Variants in DUSP7 observed in about 807,000 individuals in gnomAD.
DUSP7 encodes dual specificity phosphatase 7.
In DUSP7, 7 loss-of-function variants were observed where a neutral mutation model predicts 29.8. That is an observed-to-expected ratio of 0.24 (90% CI 0.13 to 0.44). The LOEUF (loss-of-function observed/expected upper bound fraction) is 0.44. Ranked by LOEUF, DUSP7 falls within the 20% of genes least tolerant of loss-of-function variation. The pLI is 1.00. For missense variants in DUSP7, 400 were observed against 583.7 expected (o/e 0.69, Z 3.24); for synonymous variants, 287 against 275.4 (o/e 1.04, Z -0.42).
chr3:52,055,332 C>T (rs1433927837), intron 1 of DUSP7, among the ~76,000 whole-genome samples: 2 of 152,310 alleles, frequency 1.3e-5, no homozygotes, highest in South Asian at 4.1e-4. Flanking sequence ...ATACCCTGCC[C>T]CAAGCGCCTC....
rs371249535 is a variant in DUSP7 at position 52,054,515 on chromosome 3, A to G, written c.518-141T>C. The G allele has an allele frequency of 6.1e-6, 4 of 650,862 alleles. No homozygotes were observed. 40.3% of individuals were successfully genotyped at this position (650,862 alleles called of 1,614,324 possible). ...GCATGGGCCATGCCAAGCATGTTAC[A>G]CGTGTGCCCTCTCTCGTGTTCTCTC... On this transcript the variant is annotated intron_variant, in intron 1 of 2. Coordinates refer to ENST00000495880, the MANE Select transcript of DUSP7 (RefSeq NM_001947.4). This position sits in a 1 kb window ranked among gnomAD's most constrained non-coding sequence, Gnocchi z 4.1.
Position 52,053,966 on chromosome 3 carries a change from A to C in DUSP7, c.926T>G (p.Phe309Cys). The C allele has an allele frequency of 6.2e-7, 1 of 1,614,108 alleles. No homozygotes were observed. The highest frequency in any genetic ancestry group is 8.5e-7 in the Non-Finnish European group (1 of 1,180,008). The stretch of plus-strand genomic sequence containing the variant: ...AATGAAGCTGATGGCCTCAGGGAAG[A>C]ACTGGGAGAGGTTCTGGCTCCAGTG... ...SDHWSQNLSQ[F>C]FPEAISFIDE... Residue 309 changes from phenylalanine to cysteine, a missense_variant, in exon 2 of 3, where the codon TTC becomes TGC. Phe to Cys is a radical substitution (Grantham distance 205, BLOSUM62 -2). Coordinates refer to ENST00000495880, the MANE Select transcript of DUSP7 (RefSeq NM_001947.4). The surrounding 1 kb of genome is among the most constrained non-coding windows in gnomAD (Gnocchi z 4.6).
In DUSP7 at chr3:52,049,259, T is replaced by G. The variant is rs1231135886; in HGVS notation, c.*1556A>C. 1 of 150,836 alleles carries G rather than the reference T, an allele frequency of 6.6e-6. No individual in the cohort carries two copies. The highest frequency in any genetic ancestry group is 2.4e-5 in the African/African-American group (1 of 40,914). The allele number at this position is 150,836 out of a possible 1,614,324, so 9.3% of individuals were successfully genotyped here. A position where few individuals can be genotyped will look rare whatever the true frequency, so the allele number is the denominator to read the frequency against. ...TGAGGTAAGAAGCAGTGGGGCAGAGTTTTTCTGTGGCCTCACTCACATGCT... is the reference window on the plus strand; with the variant it reads ...TGAGGTAAGAAGCAGTGGGGCAGAGGTTTTCTGTGGCCTCACTCACATGCT... On this transcript the variant is annotated 3_prime_UTR_variant, in exon 3 of 3. Coordinates refer to ENST00000495880, the MANE Select transcript of DUSP7 (RefSeq NM_001947.4).
rs777794099 is a variant in DUSP7 at position 52,051,147 on chromosome 3, G to A, written c.953-25C>T. On this transcript the variant is annotated intron_variant, in intron 2 of 2. Coordinates refer to ENST00000495880, the MANE Select transcript of DUSP7 (RefSeq NM_001947.4). The surrounding 1 kb of genome is among the most constrained non-coding windows in gnomAD (Gnocchi z 4.8). ...TCTGAAACACATTGGCATGGGTCAGGGAGGTGCCTCCTTCAAGGAGCCTTC... is the reference window on the plus strand; with the variant it reads ...TCTGAAACACATTGGCATGGGTCAGAGAGGTGCCTCCTTCAAGGAGCCTTC... 2.5e-6 allele frequency: 4 copies of A among 1,583,576 alleles called. No individual in the cohort carries two copies. The highest frequency in any genetic ancestry group is 1.7e-4 in the Middle Eastern group (1 of 5,854).
rs1701900990 is a variant in DUSP7, at chr3:52,056,345, G to A, written c.22C>T (p.Pro8Ser). 8.7e-7 allele frequency: 1 copy of A among 1,151,170 alleles called. No individual in the cohort carries two copies. The highest frequency in any genetic ancestry group is 1.1e-6 in the Non-Finnish European group (1 of 938,404). The allele number at this position is 1,151,170 out of a possible 1,614,324, so 71.3% of individuals were successfully genotyped here. A position where few individuals can be genotyped will look rare whatever the true frequency, so the allele number is the denominator to read the frequency against. ...GTCGACATGTGCGCCCGCGCTGGGG[G>A]GCCGCGGAGCTGGTTTTTCATGGGG... MKNQLRG[P>S]PARAHMSTSG... Residue 8 changes from proline to serine, a missense_variant, in exon 1 of 3, where the codon CCC (proline) becomes TCC (serine). Coordinates refer to ENST00000495880, the MANE Select transcript of DUSP7 (RefSeq NM_001947.4). This position sits in a 1 kb window ranked among gnomAD's most constrained non-coding sequence, Gnocchi z 6.4.
In DUSP7 at chr3:52,050,632, C is replaced by T. The variant is rs1330752310; in HGVS notation, c.*183G>A. On this transcript the variant is annotated 3_prime_UTR_variant, in exon 3 of 3. Coordinates refer to ENST00000495880, the MANE Select transcript of DUSP7 (RefSeq NM_001947.4). The surrounding 1 kb of genome is among the most constrained non-coding windows in gnomAD (Gnocchi z 5.0). ...TCCAGCAAGCCCTGCAGTGGGAGAC[C>T]TTGCCTGCGGGCCCTGCCCCCAAGG... The T allele has an allele frequency of 6.9e-6, 5 of 725,424 alleles. No individual in the cohort carries two copies. The highest frequency in any genetic ancestry group is 1.8e-5 in the African/African-American group (1 of 56,024). The allele number at this position is 725,424 out of a possible 1,614,324, so 44.9% of individuals were successfully genotyped here.
Position 52,053,876 on chromosome 3 carries a change from C to A in DUSP7, c.952+64G>T, listed in dbSNP as rs1239494158. ...AGAGGTACCCAGTCAGGCGGGGGCG[C>A]CACCCAGAGTCCTGCATACACCTTG... is the stretch of plus-strand genomic sequence containing the variant. On this transcript the variant is annotated intron_variant, in intron 2 of 2. Coordinates refer to ENST00000495880, the MANE Select transcript of DUSP7 (RefSeq NM_001947.4). The surrounding 1 kb of genome is among the most constrained non-coding windows in gnomAD (Gnocchi z 4.6). 1 of 1,588,264 alleles carries A rather than the reference C, an allele frequency of 6.3e-7. No individual in the cohort carries two copies. The highest frequency in any genetic ancestry group is 1.3e-5 in the African/African-American group (1 of 74,294).
rs1170063792 is a variant in DUSP7 at position 52,050,719 on chromosome 3, G to A, written c.*96C>T. On this transcript the variant is annotated 3_prime_UTR_variant, in exon 3 of 3. Transcript: ENST00000495880. The surrounding 1 kb of genome is among the most constrained non-coding windows in gnomAD (Gnocchi z 5.0). ...CTCTGGGCACAGGTGACATCTGGGGGTTCCTCAGGCCAGAGGTGGCGGGCT... is the reference window on the plus strand; with the variant it reads ...CTCTGGGCACAGGTGACATCTGGGGATTCCTCAGGCCAGAGGTGGCGGGCT... 1.5e-6 allele frequency: 2 copies of A among 1,353,280 alleles called. No homozygotes were observed. The highest frequency in any genetic ancestry group is 1.4e-5 in the South Asian group (1 of 69,558). 83.8% of individuals were successfully genotyped at this position (1,353,280 alleles called of 1,614,324 possible).
Position 52,056,225 on chromosome 3 carries a change from C to G in DUSP7, c.142G>C (p.Gly48Arg). 1 of 1,422,388 alleles carries G rather than the reference C, an allele frequency of 7.0e-7. No individual in the cohort carries two copies. 88.1% of individuals were successfully genotyped at this position (1,422,388 alleles called of 1,614,324 possible). A position where few individuals can be genotyped will look rare whatever the true frequency, so the allele number is the denominator to read the frequency against. ...CTCTTGCAGGGCATGGCCCCTGCCC[C>G]CGTCGCCGCGCCCGCCCCGGTGCCT... ...GAGTGAGAAT[G>R]AGAMPCKSAE... Residue 48 changes from glycine (G) to arginine (R), a missense_variant, in exon 1 of 3, where the codon GGG becomes CGG. Physicochemically the swap from Gly to Arg is moderately radical, Grantham distance 125. Around this residue, in one of 4 missense-constraint regions of DUSP7, gnomAD observed 96 missense variants for 97.1 expected, o/e 0.99. Transcript: ENST00000495880. The surrounding 1 kb of genome is among the most constrained non-coding windows in gnomAD (Gnocchi z 6.4).
Position 52,056,291 on chromosome 3 carries a change from G to A in DUSP7, c.76C>T (p.Arg26Trp), listed in dbSNP as rs1701900030. 2 of 1,218,202 alleles carry A rather than the reference G, an allele frequency of 1.6e-6. No homozygotes were observed. Among genetic ancestry groups the A allele is most frequent in the South Asian group, 3.7e-5 (1 of 26,914 alleles). 75.5% of individuals were successfully genotyped at this position (1,218,202 alleles called of 1,614,324 possible). ...TSGAAAAGGT[R>W]AGSEPGAGSG... ...CCCGCACCGGGCTCGGACCCCGCCC[G>A]GGTGCCCCCAGCCGCCGCCGCCCCC... The change falls in exon 1 of 3, where the codon CGG (arginine) becomes TGG (tryptophan). Residue 26 changes from arginine (R) to tryptophan (W), a missense_variant. Physicochemically the swap from Arg to Trp is moderately radical, Grantham distance 101. This residue lies in a region of DUSP7 where 96 missense variants were observed against 97.1 expected (regional missense o/e 0.99). Coordinates refer to ENST00000495880, the MANE Select transcript of DUSP7 (RefSeq NM_001947.4). The surrounding 1 kb of genome is among the most constrained non-coding windows in gnomAD (Gnocchi z 6.4).
intron 1 of DUSP7, among the ~76,000 whole-genome samples, chr3:52,055,454 C>T (rs1701892371): frequency 6.6e-6 from 1 of 152,224 alleles, no homozygotes; most frequent in South Asian, 2.1e-4. Flanking sequence ...GGTGCCCTTC[C>T]TGATCCTGGC....
rs1237834094 is a variant in DUSP7, at chr3:52,049,017, G to A, written c.*1798C>T. On this transcript the variant is annotated 3_prime_UTR_variant, in exon 3 of 3. Transcript: ENST00000495880. ...GTATGTGTGTGTATATATATACGTA[G>A]GGTCACAAATCTTCCTTCATAAGAT... The A allele has an allele frequency of 2.0e-5, 3 of 152,132 alleles. No individual in the cohort carries two copies. Among genetic ancestry groups the A allele is most frequent in the African/African-American group, 7.2e-5 (3 of 41,384 alleles). 9.4% of individuals were successfully genotyped at this position (152,132 alleles called of 1,614,324 possible).
Position 52,049,929 on chromosome 3 carries a change from G to A in DUSP7, c.*886C>T, listed in dbSNP as rs1355197820. ...CCCACCTCCTGGGGGACAGCGGCAG[G>A]GCCCCAGGGTCCCCACCTTCTGCCT... On this transcript the variant is annotated 3_prime_UTR_variant, in exon 3 of 3. Transcript: ENST00000495880. The A allele has an allele frequency of 6.6e-6, 1 of 152,218 alleles. No homozygotes were observed. Among genetic ancestry groups the A allele is most frequent in the Non-Finnish European group, 1.5e-5 (1 of 68,044 alleles). 9.4% of individuals were successfully genotyped at this position (152,218 alleles called of 1,614,324 possible).
At chr3:52,055,158 G>A (rs1019221322) in intron 1 of DUSP7, among the ~76,000 whole-genome samples, 1 of 68,076 alleles carries the variant, frequency 1.5e-5, no homozygotes, top group Non-Finnish European at 3.0e-5. Context: ...CTCCCCTCCC[G>A]CCCGCCCCGC....
At position 52,056,245 on chromosome 3, in the gene DUSP7, G is replaced by A. The variant is rs1467564471; in HGVS notation, c.122C>T (p.Thr41Ile). Reference protein sequence around the residue: ...PGAGSGSGAGTGAGAATGAGA... With the variant: ...PGAGSGSGAGIGAGAATGAGA... The stretch of plus-strand genomic sequence containing the variant: ...TGCCCCCGTCGCCGCGCCCGCCCCG[G>A]TGCCTGCGCCGGACCCCGACCCCGC... Residue 41 changes from threonine to isoleucine, a missense_variant, in exon 1 of 3, where the codon ACC (threonine) becomes ATC (isoleucine). Thr to Ile is a moderately conservative substitution (Grantham distance 89, BLOSUM62 -1). Transcript: ENST00000495880. This position sits in a 1 kb window ranked among gnomAD's most constrained non-coding sequence, Gnocchi z 6.4. The A allele has an allele frequency of 5.8e-6, 8 of 1,387,520 alleles. No individual in the cohort carries two copies. Among genetic ancestry groups the A allele is most frequent in the Middle Eastern group, 2.6e-4 (1 of 3,814 alleles). 86.0% of individuals were successfully genotyped at this position (1,387,520 alleles called of 1,614,324 possible). A position where few individuals can be genotyped will look rare whatever the true frequency, so the allele number is the denominator to read the frequency against.
chr3:52,054,230 G>A lies in DUSP7; in HGVS notation c.662C>T (p.Ser221Leu), dbSNP rs1027550823. 5 of 1,610,528 alleles carry A rather than the reference G, an allele frequency of 3.1e-6. No individual in the cohort carries two copies. The highest frequency in any genetic ancestry group is 1.7e-5 in the Admixed American group (1 of 59,894). Reference protein sequence around the residue: ...RISSDCSDGESDRELPSSATE... With the variant: ...RISSDCSDGELDRELPSSATE... The stretch of plus-strand genomic sequence containing the variant: ...GGCACTGCTGGGCAGCTCTCGGTCC[G>A]ACTCGCCGTCGGAGCAGTCAGAGCT... Residue 221 changes from serine (S) to leucine (L), a missense_variant, in exon 2 of 3, where the codon TCG becomes TTG. Ser to Leu is a moderately radical substitution (Grantham distance 145, BLOSUM62 -2). This residue lies in a region of DUSP7 where 223 missense variants were observed against 360.9 expected (regional missense o/e 0.62). Coordinates refer to ENST00000495880, the MANE Select transcript of DUSP7 (RefSeq NM_001947.4). This position sits in a 1 kb window ranked among gnomAD's most constrained non-coding sequence, Gnocchi z 4.1.
Position 52,054,496 on chromosome 3 carries a change from G to A in DUSP7, c.518-122C>T, listed in dbSNP as rs1217231249. 3 of 750,104 alleles carry A rather than the reference G, an allele frequency of 4.0e-6. No individual in the cohort carries two copies. The highest frequency in any genetic ancestry group is 3.5e-5 in the African/African-American group (2 of 56,612). 46.5% of individuals were successfully genotyped at this position (750,104 alleles called of 1,614,324 possible). ...ACCACAGCACCCACGGTCAGCATGG[G>A]CCATGCCAAGCATGTTACACGTGTG... is the stretch of plus-strand genomic sequence containing the variant. On this transcript the variant is annotated intron_variant, in intron 1 of 2. Coordinates refer to ENST00000495880, the MANE Select transcript of DUSP7 (RefSeq NM_001947.4). The surrounding 1 kb of genome is among the most constrained non-coding windows in gnomAD (Gnocchi z 4.1).
chr3:52,055,544 T>C (rs1259061513), intron 1 of DUSP7, among the ~76,000 whole-genome samples: 1 of 152,126 alleles, frequency 6.6e-6, no homozygotes, highest in Admixed American at 6.5e-5. Flanking sequence ...CTTCCACCTC[T>C]GAGGGGCTCC....
rs748863949 is a variant in DUSP7, at chr3:52,054,157, A to G, written c.735T>C (p.Pro245=). ...GGTAGAGGTAGGGCAGGATCTGGAC[A>G]GGGAAGGCTGGTTGGCTGGATGGCA... The part of the protein sequence containing the change: ...SPVPSSQPAF[P]VQILPYLYLG... Residue 245 remains proline (P), a synonymous_variant, in exon 2 of 3, where the codon CCT becomes CCC. Coordinates refer to ENST00000495880, the MANE Select transcript of DUSP7 (RefSeq NM_001947.4). This position sits in a 1 kb window ranked among gnomAD's most constrained non-coding sequence, Gnocchi z 4.1. 7.4e-6 allele frequency: 12 copies of G among 1,613,930 alleles called. No homozygotes were observed. The South Asian group carries it at 1.3e-4, about 18-fold the overall frequency.
Sources: allele counts gnomAD v4.1 joint callset (sites outside exome capture counted in the v4.1 genomes callset), GRCh38; gene constraint gnomAD v4.1.1; regional missense constraint gnomAD v4.1.1; non-coding constraint Gnocchi (gnomAD v3.1); transcripts MANE v1.5; gene names NCBI Gene and HGNC (gene_info 2026-07-23, HGNC 2026-07-21).